ATL2: variants seen among roughly 807,000 people sequenced by gnomAD.
ATL2 encodes atlastin GTPase 2, also known as atlastin-2.
In ATL2, 31 loss-of-function variants were observed where a neutral mutation model predicts 73.9. The observed-to-expected ratio is 0.42, with a 90% CI of 0.32 to 0.57. The LOEUF is 0.57. Ranked by LOEUF, ATL2 falls within the 20% of genes least tolerant of loss-of-function variation. The pLI, the probability that ATL2 is intolerant of heterozygous loss-of-function variation, is 0.14. For missense variants in ATL2, 738 were observed against 702.6 expected, an observed-to-expected ratio of 1.05 and a Z score of -0.57; for synonymous variants, 291 against 237.5, an observed-to-expected ratio of 1.23 and a Z score of -2.07.
chr2:38,365,142 C>A (rs1435356431), intron 1 of ATL2, among the ~76,000 whole-genome samples: 2 of 147,960 alleles, frequency 1.4e-5, no homozygotes, highest in African/African-American at 5.2e-5. Flanking sequence ...CATACACACA[C>A]ACACACACAC....
At chr2:38,309,791 T>G (rs1667646936) in intron 8 of ATL2, among the ~76,000 whole-genome samples, 1 of 152,128 alleles carries the variant, frequency 6.6e-6, no homozygotes, top group South Asian at 2.1e-4. Flanking sequence ...AAATTTCACA[T>G]TTAGTATTAA....
At chr2:38,323,732 A>C (rs1668453041) in intron 2 of ATL2, among the ~76,000 whole-genome samples, 4 of 152,302 alleles carry the variant, frequency 2.6e-5, no homozygotes, top group Admixed American at 2.6e-4. Context: ...AGACAGACAC[A>C]GACAGGGTCT....
At chr2:38,308,151 C>T (rs1667554615) in intron 9 of ATL2, among the ~76,000 whole-genome samples, 1 of 152,216 alleles carries the variant, frequency 6.6e-6, no homozygotes, top group African/African-American at 2.4e-5. Flanking sequence ...TACATCTGCA[C>T]TTTCATGTTT....
rs75808060 is a variant in ATL2, at chr2:38,350,185, G to A, written c.119-6673C>T. On this transcript the variant is annotated intron_variant, in intron 1 of 12. Coordinates refer to ENST00000378954, the MANE Select transcript of ATL2 (RefSeq NM_001135673.4). ...AGTGATTTTATTTCCATTCTTCAATGCCAAAAATTTACTAAGACAAGTAGA... is the reference window on the plus strand; with the variant it reads ...AGTGATTTTATTTCCATTCTTCAATACCAAAAATTTACTAAGACAAGTAGA... Among the ~76,000 whole-genome samples the A allele has an allele frequency of 7.5e-3, 1,143 of 152,182 alleles. 18 individuals are homozygous for A. The highest frequency in any genetic ancestry group is 0.026 in the African/African-American group (1,066 of 41,510).
intron 6 of ATL2, among the ~76,000 whole-genome samples, chr2:38,314,342 T>C (rs1667913585): frequency 6.6e-6 from 1 of 152,210 alleles, no homozygotes. Context: ...GTCTTAAGTT[T>C]AGAATAACAT....
At chr2:38,346,078 C>T (rs915299157) in intron 1 of ATL2, among the ~76,000 whole-genome samples, 3 of 152,214 alleles carry the variant, frequency 2.0e-5, no homozygotes, top group African/African-American at 4.8e-5. Context: ...CTGACACTGC[C>T]ATCCACCCAT....
rs34388748 is a variant in ATL2 at position 38,294,640 on chromosome 2, C to CAA, written c.*1352_*1353dup. Among the ~76,000 whole-genome samples the CAA allele has an allele frequency of 2.9e-4, 42 of 142,410 alleles. No individual in the cohort carries two copies. The South Asian group carries it at 3.9e-3, about 13-fold the overall frequency. 93.4% of individuals were successfully genotyped at this position (142,410 alleles called of 152,430 possible). A position where few individuals can be genotyped will look rare whatever the true frequency, so the allele number is the denominator to read the frequency against. ...AAAATGCTAGCCTTACATATACCAC[C>CAA]AAAAAAAAAAAAAGAGAGAGAAAGA... On this transcript the variant is annotated 3_prime_UTR_variant, in exon 13 of 13. Transcript: ENST00000378954.
chr2:38,301,212 C>G (rs1170538085), intron 9 of ATL2, among the ~76,000 whole-genome samples: 1 of 152,112 alleles, frequency 6.6e-6, no homozygotes, highest in Non-Finnish European at 1.5e-5. Context: ...TCAGGTGATT[C>G]GCCCACTTTA....
intron 1 of ATL2, among the ~76,000 whole-genome samples, chr2:38,363,837 T>G (rs1359748250): frequency 6.6e-6 from 1 of 152,202 alleles, no homozygotes; most frequent in Non-Finnish European, 1.5e-5. Context: ...AAGGATACTG[T>G]AAAATAAAGG....
chr2:38,350,234 G>A (rs541962661), intron 1 of ATL2, among the ~76,000 whole-genome samples: 5 of 152,106 alleles, frequency 3.3e-5, no homozygotes, highest in Non-Finnish European at 7.4e-5. Flanking sequence ...ACACATTTTT[G>A]TGATTCACAG....
At position 38,309,359 on chromosome 2, in the gene ATL2, C is replaced by T. The variant is rs1041428201; in HGVS notation, c.1071+20G>A. On this transcript the variant is annotated intron_variant, in intron 9 of 12. Coordinates refer to ENST00000378954, the MANE Select transcript of ATL2 (RefSeq NM_001135673.4). The stretch of plus-strand genomic sequence containing the variant: ...AACTACATTTCTATCTTAGACAAAA[C>T]TGTTTAAGAGCTCACCTACCTTAAA... 1 of 1,584,798 alleles carries T rather than the reference C, an allele frequency of 6.3e-7. No individual in the cohort carries two copies. The highest frequency in any genetic ancestry group is 1.4e-5 in the African/African-American group (1 of 73,528).
At chr2:38,342,707 A>G (rs1669794131) in intron 2 of ATL2, among the ~76,000 whole-genome samples, 4 of 152,194 alleles carry the variant, frequency 2.6e-5, no homozygotes, top group Admixed American at 2.6e-4. Context: ...AGAAGTAACA[A>G]AAAGGGAAAG....
Position 38,361,879 on chromosome 2 carries a change from T to C in ATL2, c.118+15264A>G, listed in dbSNP as rs145555870. On this transcript the variant is annotated intron_variant, in intron 1 of 12. Coordinates refer to ENST00000378954, the MANE Select transcript of ATL2 (RefSeq NM_001135673.4). ...AAATGTGGATCTTCGAAGATGTTTTTTTAAAAATTATTTAAGATTCTACAG... is the reference window on the plus strand; with the variant it reads ...AAATGTGGATCTTCGAAGATGTTTTCTTAAAAATTATTTAAGATTCTACAG... Among the ~76,000 whole-genome samples the C allele has an allele frequency of 2.3e-3, 354 of 152,348 alleles. 4 individuals are homozygous for C. The highest frequency in any genetic ancestry group is 7.8e-3 in the African/African-American group (324 of 41,578).
At chr2:38,325,300 G>A (rs1312211474) in intron 2 of ATL2, among the ~76,000 whole-genome samples, 1 of 152,084 alleles carries the variant, frequency 6.6e-6, no homozygotes. Flanking sequence ...AACCATCCCT[G>A]CAAAATCACA....
At position 38,295,575 on chromosome 2, in the gene ATL2, C is replaced by G. The variant is rs970325923; in HGVS notation, c.*419G>C. 1 of 153,988 alleles carries G rather than the reference C, an allele frequency of 6.5e-6. No individual in the cohort carries two copies. The highest frequency in any genetic ancestry group is 6.4e-5 in the Admixed American group (1 of 15,538). The allele number at this position is 153,988 out of a possible 1,614,324, so 9.5% of individuals were successfully genotyped here. On this transcript the variant is annotated 3_prime_UTR_variant, in exon 13 of 13. Transcript: ENST00000378954. ...AGTGGCTCAATAAAGGCTTCATTGT[C>G]TTTCCAATCTGGTTCTTGAAACAGT...
chr2:38,362,088 T>A (rs1671047623), intron 1 of ATL2, among the ~76,000 whole-genome samples: 1 of 152,064 alleles, frequency 6.6e-6, no homozygotes, highest in African/African-American at 2.4e-5. Flanking sequence ...TTAAAATAAA[T>A]CCCTAGTATT....
At chr2:38,371,589 A>T (rs1209931854) in intron 1 of ATL2, among the ~76,000 whole-genome samples, 1 of 152,010 alleles carries the variant, frequency 6.6e-6, no homozygotes, top group Non-Finnish European at 1.5e-5. Context: ...AAAAAAAAAA[A>T]TGTTACAGAA....
At chr2:38,302,493 A>T (rs117653568) in intron 9 of ATL2, among the ~76,000 whole-genome samples, 16 of 152,120 alleles carry the variant, frequency 1.1e-4, no homozygotes, top group Non-Finnish European at 2.4e-4. Context: ...AATAGTCACA[A>T]TGGGCCTTGG....
intron 1 of ATL2, among the ~76,000 whole-genome samples, chr2:38,367,141 A>C (rs976499641): frequency 6.6e-6 from 1 of 152,018 alleles, no homozygotes; most frequent in Non-Finnish European, 1.5e-5. Flanking sequence ...TTTTAATCTT[A>C]GAACTTTTCA....
Sources: allele counts gnomAD v4.1 joint callset (sites outside exome capture counted in the v4.1 genomes callset), GRCh38; gene constraint gnomAD v4.1.1; transcripts MANE v1.5; gene names NCBI Gene and HGNC (gene_info 2026-07-23, HGNC 2026-07-21).